LINGO2: variants seen among roughly 807,000 people sequenced by gnomAD.
LINGO2 encodes the protein leucine-rich repeat and immunoglobulin-like domain-containing nogo receptor-interacting protein 2.
Under a neutral mutation model 30.6 loss-of-function variants are expected in LINGO2, and 14 were observed. That is an observed-to-expected ratio of 0.46 (90% CI 0.30 to 0.72). The LOEUF (loss-of-function observed/expected upper bound fraction) is 0.72, where lower values mean the gene tolerates loss of function less well. LINGO2 is among the 30% of genes least tolerant of loss of function. The pLI, the probability that LINGO2 is intolerant of heterozygous loss-of-function variation, is 0.07. For synonymous variants in LINGO2, 317 were observed against 288.5 expected (o/e 1.10, Z -1.00); for missense variants, 729 against 751.7 (o/e 0.97, Z 0.35).
At chr9:28,795,280 T>A in the LINGO2 span, among the ~76,000 whole-genome samples, 7 of 152,216 alleles carry the variant, frequency 4.6e-5, no homozygotes, top group Non-Finnish European at 8.8e-5. Context: ...GTTTTATAAT[T>A]GGATTCAGTT....
chr9:28,989,049 A>G, the LINGO2 span, among the ~76,000 whole-genome samples: 1 of 152,270 alleles, frequency 6.6e-6, no homozygotes, highest in East Asian at 1.9e-4. Flanking sequence ...TACCATACTC[A>G]TGCAGTGCAG....
the LINGO2 span, among the ~76,000 whole-genome samples, chr9:29,097,455 T>C: frequency 7.2e-6 from 1 of 138,482 alleles, no homozygotes; most frequent in Admixed American, 7.4e-5. Flanking sequence ...TAAAAGTAAA[T>C]TTTAAAATAC....
At chr9:29,028,429 T>TGTGAGA in the LINGO2 span, among the ~76,000 whole-genome samples, 17 of 112,810 alleles carry the variant, frequency 1.5e-4, no homozygotes, top group South Asian at 2.6e-3. Context: ...TGGGGGGGGG[T>TGTGAGA]GAGAGAGAGA....
the LINGO2 span, among the ~76,000 whole-genome samples, chr9:28,985,843 T>C: frequency 1.3e-5 from 2 of 152,128 alleles, no homozygotes; most frequent in Non-Finnish European, 1.5e-5. Flanking sequence ...TTTCCTCTGA[T>C]GTGCAGAAGC....
the LINGO2 span, among the ~76,000 whole-genome samples, chr9:29,104,534 G>A: frequency 1.3e-5 from 2 of 152,034 alleles, no homozygotes; most frequent in South Asian, 4.1e-4. Flanking sequence ...CCAGTCTCGG[G>A]TAGTTCTTTA....
chr9:28,094,241 AG>A (rs1460396579), intron 4 of LINGO2, among the ~76,000 whole-genome samples: 8 of 152,132 alleles, frequency 5.3e-5, no homozygotes, highest in African/African-American at 1.9e-4. Flanking sequence ...TAAACTATCT[AG>A]ATAAGATGCT....
the LINGO2 span, among the ~76,000 whole-genome samples, chr9:29,124,107 CA>C: frequency 6.6e-6 from 1 of 152,220 alleles, no homozygotes; most frequent in East Asian, 1.9e-4. Flanking sequence ...AATAAAACCA[CA>C]CATCTACAAC....
At chr9:28,783,031 A>G in the LINGO2 span, among the ~76,000 whole-genome samples, 12 of 152,226 alleles carry the variant, frequency 7.9e-5, no homozygotes, top group Non-Finnish European at 4.4e-5. Context: ...AAATGCAGAA[A>G]AGGTACAGTA....
At chr9:28,497,145 G>A (rs1268974433) in intron 1 of LINGO2, among the ~76,000 whole-genome samples, 1 of 152,042 alleles carries the variant, frequency 6.6e-6, no homozygotes, top group African/African-American at 2.4e-5. Context: ...TCTTAGAGTT[G>A]CTCTTCTCGA....
chr9:29,119,838 T>TC, the LINGO2 span, among the ~76,000 whole-genome samples: 4 of 152,184 alleles, frequency 2.6e-5, no homozygotes, highest in East Asian at 3.9e-4. Flanking sequence ...CCTCAGGTGA[T>TC]CCCCCCACCT....
chr9:28,974,441 CAAT>C, the LINGO2 span, among the ~76,000 whole-genome samples: 1 of 151,940 alleles, frequency 6.6e-6, no homozygotes, highest in Non-Finnish European at 1.5e-5. Context: ...ATAGAAACAA[CAAT>C]AAGTTAAAAT....
At chr9:28,530,981 G>A (rs914056303) in intron 1 of LINGO2, among the ~76,000 whole-genome samples, 1 of 149,992 alleles carries the variant, frequency 6.7e-6, no homozygotes, top group African/African-American at 2.4e-5. Flanking sequence ...TAAAAATATA[G>A]TGCCAAATTA....
the LINGO2 span, among the ~76,000 whole-genome samples, chr9:29,160,437 G>A: frequency 6.6e-6 from 1 of 152,196 alleles, no homozygotes; most frequent in East Asian, 1.9e-4. Flanking sequence ...CTATTTCAGA[G>A]TGTTTGTGAA....
the LINGO2 span, among the ~76,000 whole-genome samples, chr9:29,154,177 G>T: frequency 6.6e-6 from 1 of 152,058 alleles, no homozygotes; most frequent in African/African-American, 2.4e-5. Context: ...AGGCACGGTG[G>T]CTCACACCTG....
At chr9:28,502,163 T>TACAC (rs1369222802) in intron 1 of LINGO2, among the ~76,000 whole-genome samples, 1 of 64,770 alleles carries the variant, frequency 1.5e-5, no homozygotes, top group Non-Finnish European at 3.4e-5. Context: ...CACACACACA[T>TACAC]ACACACACAC....
the LINGO2 span, among the ~76,000 whole-genome samples, chr9:28,751,840 T>G: frequency 6.6e-6 from 1 of 152,114 alleles, no homozygotes; most frequent in Middle Eastern, 3.4e-3. Flanking sequence ...TGTGCACAAT[T>G]TGGGGACTGG....
chr9:29,034,702 T>G, the LINGO2 span, among the ~76,000 whole-genome samples: 3 of 152,192 alleles, frequency 2.0e-5, no homozygotes, highest in Admixed American at 6.6e-5. Context: ...ATCATTAAAA[T>G]AAAACATCAT....
intron 4 of LINGO2, among the ~76,000 whole-genome samples, chr9:28,126,910 A>G (rs1827251434): frequency 6.6e-6 from 1 of 152,226 alleles, no homozygotes; most frequent in African/African-American, 2.4e-5. Context: ...TCATGAAAGC[A>G]TTACAGAAAA....
chr9:28,513,229 T>G (rs1311531411), intron 1 of LINGO2, among the ~76,000 whole-genome samples: 2 of 152,146 alleles, frequency 1.3e-5, no homozygotes, highest in Non-Finnish European at 2.9e-5. Flanking sequence ...TACCAATCAA[T>G]CAATCAATCA....
Sources: allele counts gnomAD v4.1 joint callset (sites outside exome capture counted in the v4.1 genomes callset), GRCh38; gene constraint gnomAD v4.1.1; transcripts MANE v1.5; gene names NCBI Gene and HGNC (gene_info 2026-07-23, HGNC 2026-07-21).